The following LRRC41 variants were observed in gnomAD, a reference collection of about 807,000 sequenced individuals.
LRRC41 encodes the protein leucine rich repeat containing 41.
A neutral mutation model predicts 72.1 loss-of-function variants in LRRC41; 17 were observed. The observed-to-expected ratio is 0.24, with a 90% CI of 0.16 to 0.35. The LOEUF (loss-of-function observed/expected upper bound fraction) is 0.35. Among genes scored for constraint, LRRC41 ranks in the 10% least tolerant of loss-of-function variants. The probability of loss-of-function intolerance (pLI) is 1.00; values close to 1 mark genes in which losing one functional copy is unlikely to be tolerated. For synonymous variants in LRRC41, 427 were observed against 431.0 expected, an observed-to-expected ratio of 0.99 and a Z score of 0.11; for missense variants, 759 against 1,065.0, an observed-to-expected ratio of 0.71 and a Z score of 4.00.
intron 1 of LRRC41, chr1:46,300,261 G>A (rs951182377): frequency 1.3e-5 from 2 of 152,190 alleles, no homozygotes; most frequent in Non-Finnish European, 2.9e-5. Flanking sequence ...GAGCCCAGAA[G>A]ACAGAGGTGG....
In LRRC41 at chr1:46,286,372, C is replaced by T. The variant is rs761047551; in HGVS notation, c.485G>A (p.Arg162His). 1.7e-5 allele frequency: 28 copies of T among 1,613,996 alleles called. No individual in the cohort carries two copies. The highest frequency in any genetic ancestry group is 2.4e-5 in the Non-Finnish European group (28 of 1,180,018). ...QRFSPLLHSS[R>H]HVRQLTICNM... ...ACAGATGGTGAGCTGTCGGACATGG[C>T]GGGAGCTGTGCAGAAGAGGTGAGAA... The change falls in exon 4 of 10, where the codon CGC becomes CAC. Residue 162 changes from arginine to histidine, a missense_variant. Around this residue, in one of 4 missense-constraint regions of LRRC41, gnomAD observed 116 missense variants for 250.9 expected, o/e 0.46. Transcript: ENST00000617190. The surrounding 1 kb of genome is among the most constrained non-coding windows in gnomAD (Gnocchi z 5.5).
At chr1:46,294,207 T>C (rs1661075333) in intron 3 of LRRC41, among the ~76,000 whole-genome samples, 1 of 151,336 alleles carries the variant, frequency 6.6e-6, no homozygotes, top group Admixed American at 6.6e-5. Context: ...CTCTGTCTCC[T>C]GGGCTCCCTC....
At chr1:46,297,112 C>G (rs573299833) in intron 3 of LRRC41, 2 of 158,912 alleles carry the variant, frequency 1.3e-5, no homozygotes, top group Non-Finnish European at 2.8e-5. Context: ...AAGGTATAGT[C>G]GTTATAAGTG....
intron 4 of LRRC41, chr1:46,284,224 C>T (rs1189944572): frequency 6.6e-6 from 1 of 152,174 alleles, no homozygotes; most frequent in East Asian, 1.9e-4. Flanking sequence ...GTGGTGGTGG[C>T]AGTTTTTGAT....
intron 3 of LRRC41, among the ~76,000 whole-genome samples, chr1:46,289,433 CAA>C (rs145343571): frequency 0.022 from 3,326 of 152,174 alleles, 62 homozygotes; most frequent in African/African-American, 0.051. Flanking sequence ...TACGAGCAGA[CAA>C]GAGATCATGA....
chr1:46,283,789 C>CT (rs1337752239), intron 4 of LRRC41, among the ~76,000 whole-genome samples: 1 of 151,626 alleles, frequency 6.6e-6, no homozygotes, highest in Non-Finnish European at 1.5e-5. Flanking sequence ...TCTCCAGTCA[C>CT]TGAGTAGCTG....
At position 46,286,573 on chromosome 1, in the gene LRRC41, G is replaced by T; in HGVS notation, c.358-74C>A. On this transcript the variant is annotated intron_variant, in intron 3 of 9. Coordinates refer to ENST00000617190, the MANE Select transcript of LRRC41 (RefSeq NM_006369.5). This position sits in a 1 kb window ranked among gnomAD's most constrained non-coding sequence, Gnocchi z 5.5. Reference sequence around the variant, plus strand: ...GTCCAAATTTCCCTCTCTTCCAATAGCACACTATTTACTGAGTCAGGCAAC... The same window carrying T: ...GTCCAAATTTCCCTCTCTTCCAATATCACACTATTTACTGAGTCAGGCAAC... The T allele has an allele frequency of 7.3e-7, 1 of 1,364,900 alleles. No homozygotes were observed. Among genetic ancestry groups the T allele is most frequent in the Non-Finnish European group, 1.0e-6 (1 of 997,920 alleles). The allele number at this position is 1,364,900 out of a possible 1,614,324, so 84.5% of individuals were successfully genotyped here. A position where few individuals can be genotyped will look rare whatever the true frequency, so the allele number is the denominator to read the frequency against.
Position 46,302,594 on chromosome 1 carries a change from C to T in LRRC41, c.199+530G>A. On this transcript the variant is annotated intron_variant, in intron 1 of 9. Transcript: ENST00000617190. The surrounding 1 kb of genome is among the most constrained non-coding windows in gnomAD (Gnocchi z 4.7). ...TCCAATCTGCTGTCCTCCCCTCCGC[C>T]CATCGGCTTGGCCTCCGGAATCTCG... 4.1e-6 allele frequency: 4 copies of T among 985,396 alleles called. No individual in the cohort carries two copies. Among genetic ancestry groups the T allele is most frequent in the Non-Finnish European group, 4.8e-6 (4 of 829,908 alleles). 61.0% of individuals were successfully genotyped at this position (985,396 alleles called of 1,614,324 possible).
rs892342024 is a variant in LRRC41, at chr1:46,289,629, C to T, written c.358-3130G>A. ...ACAAAAAATTCGCCGGGCGAGGTGG[C>T]GGGTGCCTGTAGTCCTGGCTACTCA... On this transcript the variant is annotated intron_variant, in intron 3 of 9. Transcript: ENST00000617190. 9.2e-5 allele frequency among the ~76,000 whole-genome samples: 14 copies of T among 152,166 alleles called. No homozygotes were observed. In the East Asian group the frequency reaches 2.5e-3, roughly 27 times the overall value.
At position 46,278,344 on chromosome 1, in the gene LRRC41, C is replaced by T; in HGVS notation, c.*521G>A. ...AGATAGGGAAAAGGGGCTCCTTGCTCCACAGGGCCCTGTTGAATTTTGTTC... is the reference window on the plus strand; with the variant it reads ...AGATAGGGAAAAGGGGCTCCTTGCTTCACAGGGCCCTGTTGAATTTTGTTC... On this transcript the variant is annotated 3_prime_UTR_variant, in exon 10 of 10. Coordinates refer to ENST00000617190, the MANE Select transcript of LRRC41 (RefSeq NM_006369.5). The T allele has an allele frequency of 6.7e-7, 1 of 1,498,184 alleles. No homozygotes were observed. Among genetic ancestry groups the T allele is most frequent in the Non-Finnish European group, 9.1e-7 (1 of 1,097,860 alleles). 92.8% of individuals were successfully genotyped at this position (1,498,184 alleles called of 1,614,324 possible). A position where few individuals can be genotyped will look rare whatever the true frequency, so the allele number is the denominator to read the frequency against.
At chr1:46,282,281 TAAA>T (rs1218328283) in intron 4 of LRRC41, among the ~76,000 whole-genome samples, 2 of 152,086 alleles carry the variant, frequency 1.3e-5, no homozygotes, top group East Asian at 3.9e-4. Flanking sequence ...CTGGGATACT[TAAA>T]AGAATCAATG....
Position 46,277,967 on chromosome 1 carries a change from G to A in LRRC41, c.*898C>T, listed in dbSNP as rs2148308150. 6.2e-7 allele frequency: 1 copy of A among 1,614,150 alleles called. No individual in the cohort carries two copies. Among genetic ancestry groups the A allele is most frequent in the East Asian group, 2.2e-5 (1 of 44,890 alleles). ...TATCCTGGATGAAGCTAGCCTCAGT[G>A]ACACACATGACAGGTGGGGAAGTGC... On this transcript the variant is annotated 3_prime_UTR_variant, in exon 10 of 10. Transcript: ENST00000617190.
intron 3 of LRRC41, among the ~76,000 whole-genome samples, chr1:46,287,236 G>A (rs1660903785): frequency 6.6e-6 from 1 of 152,124 alleles, no homozygotes; most frequent in African/African-American, 2.4e-5. Flanking sequence ...AGCCTCCCGA[G>A]TAGCTGGGAC....
rs1661255394 is a variant in LRRC41, at chr1:46,302,375, C to T, written c.199+749G>A. On this transcript the variant is annotated intron_variant, in intron 1 of 9. Transcript: ENST00000617190. This position sits in a 1 kb window ranked among gnomAD's most constrained non-coding sequence, Gnocchi z 4.7. ...CCCTCCACTCGCTCTCCGGTCCCTC[C>T]TCGCCGCTCGAGCCGATCCGAGTGG... is the stretch of plus-strand genomic sequence containing the variant. 1.0e-6 allele frequency: 1 copy of T among 985,446 alleles called. No homozygotes were observed. The highest frequency in any genetic ancestry group is 1.2e-6 in the Non-Finnish European group (1 of 829,926). 61.0% of individuals were successfully genotyped at this position (985,446 alleles called of 1,614,324 possible).
chr1:46,278,774 A>G lies in LRRC41; in HGVS notation c.*91T>C, dbSNP rs555399448. ...GAAAAAAGGTGACAGAAAGAGAAAG[A>G]TAGAACTGGTGGTTGGGGTTCTGGG... On this transcript the variant is annotated 3_prime_UTR_variant, in exon 10 of 10. Transcript: ENST00000617190. 9 of 1,241,482 alleles carry G rather than the reference A, an allele frequency of 7.2e-6. No homozygotes were observed. The highest frequency in any genetic ancestry group is 1.9e-4 in the Middle Eastern group (1 of 5,258). 76.9% of individuals were successfully genotyped at this position (1,241,482 alleles called of 1,614,324 possible).
At chr1:46,280,070 C>A in intron 7 of LRRC41, 122 bp downstream of exon 7, 1 of 725,616 alleles carries the variant, frequency 1.4e-6, no homozygotes, top group African/African-American at 1.8e-5. Context: ...CATGCAGGTT[C>A]TATATCCATT....
In LRRC41 at chr1:46,302,870, G is replaced by A. The variant is rs563655211; in HGVS notation, c.199+254C>T. 2 of 985,358 alleles carry A rather than the reference G, an allele frequency of 2.0e-6. No individual in the cohort carries two copies. The highest frequency in any genetic ancestry group is 6.1e-5 in the Admixed American group (1 of 16,280). The allele number at this position is 985,358 out of a possible 1,614,324, so 61.0% of individuals were successfully genotyped here. A position where few individuals can be genotyped will look rare whatever the true frequency, so the allele number is the denominator to read the frequency against. Reference sequence around the variant, plus strand: ...CCCGGGCCCAGCCTGCTTCGCTCCAGACCGGGCCTCCTGGCCTCGCCCCCC... The same window carrying A: ...CCCGGGCCCAGCCTGCTTCGCTCCAAACCGGGCCTCCTGGCCTCGCCCCCC... On this transcript the variant is annotated intron_variant, in intron 1 of 9. Transcript: ENST00000617190. This position sits in a 1 kb window ranked among gnomAD's most constrained non-coding sequence, Gnocchi z 4.7.
In LRRC41 at chr1:46,279,729, A is replaced by G; in HGVS notation, c.2021-115T>C. Reference sequence around the variant, plus strand: ...ACATTATAGAGGCCCAAAAAGAGGAAGGAATTTGTCTAGACTCCAAGCAAG... The same window carrying G: ...ACATTATAGAGGCCCAAAAAGAGGAGGGAATTTGTCTAGACTCCAAGCAAG... On this transcript the variant is annotated intron_variant, in intron 7 of 9. Transcript: ENST00000617190. This position sits in a 1 kb window ranked among gnomAD's most constrained non-coding sequence, Gnocchi z 4.5. 2 of 1,265,456 alleles carry G rather than the reference A, an allele frequency of 1.6e-6. No homozygotes were observed. The highest frequency in any genetic ancestry group is 2.2e-6 in the Non-Finnish European group (2 of 898,172). The allele number at this position is 1,265,456 out of a possible 1,614,324, so 78.4% of individuals were successfully genotyped here.
In LRRC41 at chr1:46,285,210, T is replaced by C. The variant is rs750034840; in HGVS notation, c.1495+152A>G. The C allele has an allele frequency of 2.8e-6, 2 of 710,376 alleles. No homozygotes were observed. Among genetic ancestry groups the C allele is most frequent in the South Asian group, 3.5e-5 (2 of 56,858 alleles). 44.0% of individuals were successfully genotyped at this position (710,376 alleles called of 1,614,324 possible). A position where few individuals can be genotyped will look rare whatever the true frequency, so the allele number is the denominator to read the frequency against. On this transcript the variant is annotated intron_variant, in intron 4 of 9. Transcript: ENST00000617190. The surrounding 1 kb of genome is among the most constrained non-coding windows in gnomAD (Gnocchi z 5.3). ...ACTTTATGTTCCTCTCTTCTAGCAATGACAGTCTCCCCTGCTATGAGGCAT... is the reference window on the plus strand; with the variant it reads ...ACTTTATGTTCCTCTCTTCTAGCAACGACAGTCTCCCCTGCTATGAGGCAT...
Sources: allele counts gnomAD v4.1 joint callset (sites outside exome capture counted in the v4.1 genomes callset), GRCh38; gene constraint gnomAD v4.1.1; regional missense constraint gnomAD v4.1.1; non-coding constraint Gnocchi (gnomAD v3.1); transcripts MANE v1.5; gene names NCBI Gene and HGNC (gene_info 2026-07-23, HGNC 2026-07-21).